CAMK4: variants seen among roughly 807,000 people sequenced by gnomAD.
The protein encoded by CAMK4 is calcium/calmodulin dependent protein kinase IV.
Under a neutral mutation model 44.9 loss-of-function variants are expected in CAMK4, and 22 were observed. That is an observed-to-expected ratio of 0.49 (90% CI 0.35 to 0.70). CAMK4 has a LOEUF of 0.70. Ranked by LOEUF, CAMK4 falls within the 30% of genes least tolerant of loss-of-function variation. CAMK4 has a pLI of 0.01. For synonymous variants in CAMK4, 218 were observed against 215.4 expected (o/e 1.01, Z -0.11); for missense variants, 498 against 586.8 (o/e 0.85, Z 1.56).
At chr5:111,444,958 A>G (rs965777842) in intron 5 of CAMK4, among the ~76,000 whole-genome samples, 9 of 152,256 alleles carry the variant, frequency 5.9e-5, no homozygotes, top group African/African-American at 1.9e-4. Context: ...CTACAGATTT[A>G]GCAAAGATAT....
At chr5:111,254,202 G>T (rs1484079786) in intron 1 of CAMK4, among the ~76,000 whole-genome samples, 1 of 152,184 alleles carries the variant, frequency 6.6e-6, no homozygotes, top group Non-Finnish European at 1.5e-5. Context: ...GCCTTCTAGG[G>T]TATAACCAGC....
At chr5:111,251,359 A>G (rs1484385905) in intron 1 of CAMK4, among the ~76,000 whole-genome samples, 2 of 152,228 alleles carry the variant, frequency 1.3e-5, no homozygotes, top group African/African-American at 4.8e-5. Flanking sequence ...TCTGAGGATC[A>G]TGTAAGCCAG....
At chr5:111,352,179 G>A (rs1208366215) in intron 2 of CAMK4, among the ~76,000 whole-genome samples, 4 of 152,074 alleles carry the variant, frequency 2.6e-5, no homozygotes, top group Non-Finnish European at 5.9e-5. Context: ...AACTTGCCAA[G>A]TGTTGATAGC....
At chr5:111,396,160 G>A (rs1224500837) in intron 5 of CAMK4, among the ~76,000 whole-genome samples, 4 of 152,146 alleles carry the variant, frequency 2.6e-5, no homozygotes, top group Admixed American at 1.3e-4. Flanking sequence ...TCTAGAAATA[G>A]CCAATTGAAC....
At chr5:111,327,526 T>TA (rs1748953127) in intron 1 of CAMK4, among the ~76,000 whole-genome samples, 1 of 135,242 alleles carries the variant, frequency 7.4e-6, no homozygotes, top group African/African-American at 2.7e-5. Flanking sequence ...ATATACCCAG[T>TA]AATGGGATGG....
chr5:111,394,675 G>A (rs773752576), intron 4 of CAMK4, 35 bp from the exon 5 acceptor site: 4 of 1,409,708 alleles, frequency 2.8e-6, no homozygotes, highest in Non-Finnish European at 4.0e-6. Context: ...CTGAATGAAT[G>A]TGCCTGAGAA....
intron 5 of CAMK4, among the ~76,000 whole-genome samples, chr5:111,419,718 T>C (rs1752952296): frequency 6.6e-6 from 1 of 152,090 alleles, no homozygotes; most frequent in South Asian, 2.1e-4. Flanking sequence ...CCCCATTTCT[T>C]GTTTTTGTCA....
intron 4 of CAMK4, among the ~76,000 whole-genome samples, chr5:111,393,109 C>G (rs1211900436): frequency 6.6e-6 from 1 of 152,096 alleles, no homozygotes; most frequent in East Asian, 1.9e-4. Context: ...AATTGTATTA[C>G]TAGAAAATTT....
At chr5:111,298,930 T>C (rs1340175520) in intron 1 of CAMK4, among the ~76,000 whole-genome samples, 1 of 152,224 alleles carries the variant, frequency 6.6e-6, no homozygotes, top group Non-Finnish European at 1.5e-5. Flanking sequence ...TCCAGAGCCT[T>C]ATTGACGACC....
rs528818004 is a variant in CAMK4, at chr5:111,429,487, CCAGGTGGAGTGGCT to C, written c.460-17196_460-17183del. Among the ~76,000 whole-genome samples the C allele has an allele frequency of 5.2e-3, 787 of 152,066 alleles. 7 individuals are homozygous for C. The highest frequency in any genetic ancestry group is 6.1e-3 in the Non-Finnish European group (415 of 67,966). On this transcript the variant is annotated intron_variant, in intron 5 of 10. Transcript: ENST00000282356. ...AAAAGTAATGAAATCGAAGCCATGG[CCAGGTGGAGTGGCT>C]CACACTTGTAATCCCAGTACTTTGA...
intron 5 of CAMK4, among the ~76,000 whole-genome samples, chr5:111,410,521 T>C (rs1179581165): frequency 1.3e-5 from 2 of 152,150 alleles, no homozygotes. Flanking sequence ...TATGTCTGTG[T>C]TATTCTTTCA....
At chr5:111,395,355 T>A (rs1377926882) in intron 5 of CAMK4, among the ~76,000 whole-genome samples, 1 of 151,976 alleles carries the variant, frequency 6.6e-6, no homozygotes, top group East Asian at 1.9e-4. Flanking sequence ...GTTAAATTAA[T>A]TTCCATTCTA....
At chr5:111,318,131 A>G (rs901477751) in intron 1 of CAMK4, among the ~76,000 whole-genome samples, 1 of 152,128 alleles carries the variant, frequency 6.6e-6, no homozygotes, top group Non-Finnish European at 1.5e-5. Context: ...GTGGAAGTGT[A>G]TTACATAATT....
At chr5:111,480,773 A>G (rs1301079346) in intron 9 of CAMK4, among the ~76,000 whole-genome samples, 1 of 152,202 alleles carries the variant, frequency 6.6e-6, no homozygotes, top group South Asian at 2.1e-4. Context: ...AGTAACTAAT[A>G]TCAACTAACT....
At chr5:111,377,272 G>T (rs1365514937) in intron 4 of CAMK4, among the ~76,000 whole-genome samples, 1 of 151,862 alleles carries the variant, frequency 6.6e-6, no homozygotes, top group East Asian at 1.9e-4. Flanking sequence ...AATATCTTAA[G>T]AAAATATTTG....
At chr5:111,431,633 G>C (rs1168956822) in intron 5 of CAMK4, among the ~76,000 whole-genome samples, 1 of 151,712 alleles carries the variant, frequency 6.6e-6, no homozygotes, top group African/African-American at 2.4e-5. Context: ...TTAATAACCA[G>C]ATTATAAAAG....
rs113019977 is a variant in CAMK4, at chr5:111,292,070, G to T, written c.162-51954G>T. 1.3e-3 allele frequency among the ~76,000 whole-genome samples: 200 copies of T among 152,262 alleles called. 1 individual carries two copies. Among genetic ancestry groups the T allele is most frequent in the Admixed American group, 4.7e-3 (72 of 15,302 alleles). ...AATCAGTGGTCCTCAGAGGAATAAA[G>T]AAACATGCACATTTGCAGCAAATTT... On this transcript the variant is annotated intron_variant, in intron 1 of 10. Transcript: ENST00000282356.
intron 1 of CAMK4, among the ~76,000 whole-genome samples, chr5:111,328,322 G>A (rs1748992999): frequency 6.6e-6 from 1 of 151,772 alleles, no homozygotes; most frequent in South Asian, 2.1e-4. Flanking sequence ...GATAGTTGTA[G>A]ATATGTGGCA....
At chr5:111,446,453 A>C (rs1754030873) in intron 5 of CAMK4, among the ~76,000 whole-genome samples, 6 of 152,244 alleles carry the variant, frequency 3.9e-5, no homozygotes, top group Admixed American at 3.9e-4. Context: ...TAAATATTTC[A>C]TTCTGGGAAT....
Sources: allele counts gnomAD v4.1 joint callset (sites outside exome capture counted in the v4.1 genomes callset), GRCh38; gene constraint gnomAD v4.1.1; transcripts MANE v1.5; gene names NCBI Gene and HGNC (gene_info 2026-07-23, HGNC 2026-07-21).